Variants in PEX5L observed in about 807,000 individuals in gnomAD.
The protein encoded by PEX5L is peroxisomal biogenesis factor 5 like.
Under a neutral mutation model 84.0 loss-of-function variants are expected in PEX5L, and 30 were observed. That is an observed-to-expected ratio of 0.36 (90% CI 0.27 to 0.48). The LOEUF is 0.48. PEX5L is among the 20% of genes least tolerant of loss of function. PEX5L has a pLI of 0.99. For synonymous variants in PEX5L, 270 were observed against 283.1 expected (o/e 0.95, Z 0.46); for missense variants, 533 against 754.6 (o/e 0.71, Z 3.44).
At chr3:180,002,003 G>T (rs1477667195) in intron 1 of PEX5L, among the ~76,000 whole-genome samples, 1 of 152,064 alleles carries the variant, frequency 6.6e-6, no homozygotes, top group Non-Finnish European at 1.5e-5. Flanking sequence ...TTACTTCTTT[G>T]TACTTGTTTT....
intron 2 of PEX5L, among the ~76,000 whole-genome samples, chr3:179,924,710 G>A (rs1220122960): frequency 6.6e-6 from 1 of 152,022 alleles, no homozygotes; most frequent in South Asian, 2.1e-4. Context: ...TAATCTCTTA[G>A]GACCATGGAA....
At chr3:179,995,597 GC>G (rs1208390886) in intron 1 of PEX5L, among the ~76,000 whole-genome samples, 5 of 152,120 alleles carry the variant, frequency 3.3e-5, no homozygotes, top group Admixed American at 1.3e-4. Context: ...ACATGATGAA[GC>G]TTGTTTGTTG....
chr3:179,933,525 A>T (rs1398636966), intron 2 of PEX5L, among the ~76,000 whole-genome samples: 1 of 152,232 alleles, frequency 6.6e-6, no homozygotes, highest in Admixed American at 6.5e-5. Flanking sequence ...GAATTTTTAA[A>T]ATTCTAAAAG....
At chr3:179,964,273 GGTTA>G (rs1782789977) in intron 2 of PEX5L, among the ~76,000 whole-genome samples, 1 of 151,916 alleles carries the variant, frequency 6.6e-6, no homozygotes, top group South Asian at 2.1e-4. Flanking sequence ...TCTGTTTCCT[GGTTA>G]GTTTGCTTAG....
intron 1 of PEX5L, among the ~76,000 whole-genome samples, chr3:180,014,344 C>G (rs575094703): frequency 6.6e-6 from 1 of 151,990 alleles, no homozygotes; most frequent in Non-Finnish European, 1.5e-5. Flanking sequence ...TGGTGGCGGG[C>G]GCCTGGAGTC....
chr3:179,891,063 C>T (rs929896313), intron 3 of PEX5L, among the ~76,000 whole-genome samples: 2 of 150,810 alleles, frequency 1.3e-5, no homozygotes, highest in African/African-American at 4.9e-5. Flanking sequence ...ACTCAGCATA[C>T]AAATAAAGGG....
At chr3:179,847,263 T>C (rs1279728246) in intron 8 of PEX5L, among the ~76,000 whole-genome samples, 1 of 152,028 alleles carries the variant, frequency 6.6e-6, no homozygotes, top group Non-Finnish European at 1.5e-5. Context: ...TAGATAACTG[T>C]ATATTGATTG....
intron 7 of PEX5L, among the ~76,000 whole-genome samples, chr3:179,866,432 ATTAC>A (rs1748174442): frequency 6.6e-6 from 1 of 152,184 alleles, no homozygotes; most frequent in Non-Finnish European, 1.5e-5. Flanking sequence ...CCTTGGACAA[ATTAC>A]TTAAACTATT....
chr3:179,992,803 A>G (rs1039907929), intron 1 of PEX5L, among the ~76,000 whole-genome samples: 8 of 152,294 alleles, frequency 5.3e-5, no homozygotes, highest in African/African-American at 1.7e-4. Context: ...TTCAGAGGGA[A>G]TTCATAAGAC....
rs1340188808 is a variant in PEX5L at position 179,843,601 on chromosome 3, G to A, written c.822+15461C>T. ...ATAAAATGAATATGTTGTCATTATA[G>A]GTAATTTTTTTAAAATATGGAAATT... On this transcript the variant is annotated intron_variant, in intron 8 of 14. Transcript: ENST00000467460. Among the ~76,000 whole-genome samples, 4 of 152,040 alleles carry A rather than the reference G, an allele frequency of 2.6e-5. No individual in the cohort carries two copies. In the South Asian group the frequency reaches 8.3e-4, roughly 32 times the overall value.
At chr3:180,006,858 C>T (rs1242574868) in intron 1 of PEX5L, among the ~76,000 whole-genome samples, 1 of 152,182 alleles carries the variant, frequency 6.6e-6, no homozygotes, top group Non-Finnish European at 1.5e-5. Flanking sequence ...CCTCCCACAA[C>T]ATGTGGGAAT....
chr3:179,891,731 G>C (rs187929046), intron 3 of PEX5L, among the ~76,000 whole-genome samples: 6 of 152,194 alleles, frequency 3.9e-5, no homozygotes, highest in African/African-American at 1.4e-4. Flanking sequence ...GATTATTTTA[G>C]TCATAGGAAG....
chr3:180,002,092 T>C (rs1442566536), intron 1 of PEX5L, among the ~76,000 whole-genome samples: 1 of 152,184 alleles, frequency 6.6e-6, no homozygotes, highest in Non-Finnish European at 1.5e-5. Flanking sequence ...AATGCCTGCA[T>C]GTTATTCTAG....
chr3:180,022,587 G>A (rs1164583307), intron 1 of PEX5L, among the ~76,000 whole-genome samples: 1 of 152,144 alleles, frequency 6.6e-6, no homozygotes, highest in Non-Finnish European at 1.5e-5. Context: ...CAATAGCAAA[G>A]TACAAAATAA....
At chr3:179,831,691 G>A (rs1733020714) in intron 8 of PEX5L, among the ~76,000 whole-genome samples, 2 of 152,302 alleles carry the variant, frequency 1.3e-5, no homozygotes, top group East Asian at 1.9e-4. Flanking sequence ...AGGAGTTCAG[G>A]AGTCTTCTTG....
intron 1 of PEX5L, among the ~76,000 whole-genome samples, chr3:180,012,670 T>C (rs1057453434): frequency 8.5e-5 from 13 of 152,068 alleles, no homozygotes; most frequent in Non-Finnish European, 1.9e-4. Flanking sequence ...CAAGAAAATA[T>C]AAAGGTGAAT....
chr3:179,809,623 C>T lies in PEX5L; in HGVS notation c.1200G>A (p.Leu400=). The part of the protein sequence containing the change: ...QPNNLKALMA[L]AVSYTNTGHQ... ...GGCCAGTGTTAGTATAACTCACAGC[C>T]AAGGCCATCAAAGCTTTTAAGTTGT... The change falls in exon 12 of 15, where the codon TTG becomes TTA. Residue 400 remains leucine (L), a synonymous_variant. Coordinates refer to ENST00000467460, the MANE Select transcript of PEX5L (RefSeq NM_016559.3). 1 of 1,611,620 alleles carries T rather than the reference C, an allele frequency of 6.2e-7. No homozygotes were observed. Among genetic ancestry groups the T allele is most frequent in the Admixed American group, 1.7e-5 (1 of 59,806 alleles).
chr3:179,943,241 A>G (rs1027447356), intron 2 of PEX5L, among the ~76,000 whole-genome samples: 11 of 152,240 alleles, frequency 7.2e-5, no homozygotes, highest in Non-Finnish European at 1.2e-4. Context: ...TTTGCACTGT[A>G]TGAACACTAT....
intron 2 of PEX5L, among the ~76,000 whole-genome samples, chr3:179,904,178 A>C (rs530479415): frequency 6.6e-6 from 1 of 152,276 alleles, no homozygotes; most frequent in African/African-American, 2.4e-5. Context: ...TTGACCCTTT[A>C]TGTATTTCTC....
Sources: allele counts gnomAD v4.1 joint callset (sites outside exome capture counted in the v4.1 genomes callset), GRCh38; gene constraint gnomAD v4.1.1; transcripts MANE v1.5; gene names NCBI Gene and HGNC (gene_info 2026-07-23, HGNC 2026-07-21).